COL4A5: variants seen among roughly 807,000 people sequenced by gnomAD.
COL4A5 encodes the protein collagen type IV alpha 5 chain.
In COL4A5, 26 loss-of-function variants were observed where a neutral mutation model predicts 130.2. The ratio of observed to expected loss-of-function variants is 0.20; its 90% CI spans 0.15 to 0.28. The LOEUF is 0.28. COL4A5 is among the 10% of genes least tolerant of loss of function. The pLI is 1.00. For missense variants in COL4A5, 1,131 were observed against 1,344.3 expected, an observed-to-expected ratio of 0.84 and a Z score of 2.48; for synonymous variants, 496 against 439.6, an observed-to-expected ratio of 1.13 and a Z score of -1.60.
chrX:108,626,599 T>G, intron 36 of COL4A5: 1 of 1,096,875 alleles, frequency 9.1e-7, no homozygotes, highest in Non-Finnish European at 1.2e-6. Flanking sequence ...CTGGATATAC[T>G]TCAATAATCT....
intron 3 of COL4A5, among the ~76,000 whole-genome samples, chrX:108,561,727 T>C (rs985120969): frequency 3.6e-5 from 4 of 111,659 alleles, no homozygotes; most frequent in Non-Finnish European, 7.5e-5. Flanking sequence ...ACTCACCAGG[T>C]AGTCTTCCAG....
intron 1 of COL4A5, among the ~76,000 whole-genome samples, chrX:108,509,033 A>C (rs1337713282): frequency 1.8e-5 from 2 of 112,482 alleles, no homozygotes; most frequent in African/African-American, 6.5e-5. Context: ...ACCAAAAGCA[A>C]TTGCAACAAA....
intron 38 of COL4A5, among the ~76,000 whole-genome samples, chrX:108,665,982 G>A (rs2068069209): frequency 9.0e-6 from 1 of 110,691 alleles, no homozygotes; most frequent in Admixed American, 9.6e-5. Context: ...AACCCAAGGG[G>A]TGGAGGTTGC....
At chrX:108,472,054 CTT>C (rs952739721) in intron 1 of COL4A5, among the ~76,000 whole-genome samples, 2 of 111,381 alleles carry the variant, frequency 1.8e-5, no homozygotes, top group African/African-American at 6.5e-5. Context: ...TCATTCTTCT[CTT>C]AAGTATTTTC....
At chrX:108,598,284 T>C (rs764603672) in intron 24 of COL4A5, among the ~76,000 whole-genome samples, 37 of 111,935 alleles carry the variant, frequency 3.3e-4, no homozygotes, top group Non-Finnish European at 6.0e-4. Flanking sequence ...ATAGTACAAG[T>C]AGATAGCCAT....
At chrX:108,558,929 A>G (rs2065865287) in intron 2 of COL4A5, 135 bp from the exon 3 acceptor site, 1 of 549,139 alleles carries the variant, frequency 1.8e-6, no homozygotes, top group Non-Finnish European at 3.2e-6. Flanking sequence ...TTCCCATGTT[A>G]GTAGATACTG....
rs370717795 is a variant in COL4A5 at position 108,451,827 on chromosome X, C to T, written c.81+11621C>T. ...TCACTCTGATGGTAGTTTCTTTTGCCGTGCAGAAACTCTTTAGTTTAATTA... is the reference window on the plus strand; with the variant it reads ...TCACTCTGATGGTAGTTTCTTTTGCTGTGCAGAAACTCTTTAGTTTAATTA... On this transcript the variant is annotated intron_variant, in intron 1 of 52. Transcript: ENST00000328300. 7.1e-3 allele frequency among the ~76,000 whole-genome samples: 787 copies of T among 110,884 alleles called. 8 individuals are homozygous for T. The highest frequency in any genetic ancestry group is 0.023 in the African/African-American group (712 of 30,466).
chrX:108,484,553 C>G (rs761420920), intron 1 of COL4A5, among the ~76,000 whole-genome samples: 1 of 112,638 alleles, frequency 8.9e-6, no homozygotes, highest in East Asian at 2.8e-4. Flanking sequence ...CTTGCAGACT[C>G]GCAGAGGTAC....
At chrX:108,692,326 A>T (rs182471443) in intron 49 of COL4A5, among the ~76,000 whole-genome samples, 2 of 111,221 alleles carry the variant, frequency 1.8e-5, no homozygotes, top group African/African-American at 6.5e-5. Context: ...TAGGCCTAAG[A>T]AGATTGCAGA....
intron 1 of COL4A5, among the ~76,000 whole-genome samples, chrX:108,519,831 T>A (rs2065250178): frequency 9.0e-6 from 1 of 111,135 alleles, no homozygotes; most frequent in Non-Finnish European, 1.9e-5. Context: ...AGTGGTCTTT[T>A]TTTATTTTCT....
intron 1 of COL4A5, among the ~76,000 whole-genome samples, chrX:108,453,211 A>G (rs1038390147): frequency 3.6e-5 from 4 of 111,651 alleles, no homozygotes; most frequent in Non-Finnish European, 7.5e-5. Flanking sequence ...AAAAAAAGCT[A>G]GTTGATAAAG....
intron 9 of COL4A5, among the ~76,000 whole-genome samples, chrX:108,574,533 A>G (rs1392522174): frequency 1.8e-5 from 2 of 111,825 alleles, no homozygotes; most frequent in African/African-American, 6.5e-5. Context: ...TTCCCCCAAG[A>G]CATAGCTACC....
intron 1 of COL4A5, among the ~76,000 whole-genome samples, chrX:108,515,212 T>G (rs1481152656): frequency 8.9e-6 from 1 of 111,946 alleles, no homozygotes. Flanking sequence ...AATCAGAAAC[T>G]ATGACTTTTT....
intron 1 of COL4A5, among the ~76,000 whole-genome samples, chrX:108,511,132 T>C (rs1284097521): frequency 7.1e-5 from 8 of 111,904 alleles, no homozygotes; most frequent in African/African-American, 2.6e-4. Flanking sequence ...TTTATAAATA[T>C]ATAATTCTTT....
intron 52 of COL4A5, 154 bp downstream of exon 52, chrX:108,695,593 T>G (rs1457677985): frequency 6.8e-6 from 4 of 589,759 alleles, no homozygotes; most frequent in Non-Finnish European, 1.1e-5. Flanking sequence ...TATACATGAC[T>G]CAGGTCAGAA....
chrX:108,577,120 C>T (rs964244851), intron 10 of COL4A5, among the ~76,000 whole-genome samples: 3 of 109,136 alleles, frequency 2.7e-5, no homozygotes, highest in African/African-American at 1.0e-4. Context: ...CCTGTAATCC[C>T]GGCACTTTGG....
intron 25 of COL4A5, among the ~76,000 whole-genome samples, chrX:108,601,169 C>T (rs2066621666): frequency 9.0e-6 from 1 of 111,639 alleles, no homozygotes; most frequent in African/African-American, 3.3e-5. Flanking sequence ...CATCTTGAAT[C>T]ATGGAAGTCC....
In COL4A5 at chrX:108,615,686, G is replaced by C. The variant is rs1954826079; in HGVS notation, c.2509+662G>C. Among the ~76,000 whole-genome samples the C allele has an allele frequency of 2.7e-5, 3 of 111,635 alleles. 1 individual carries two copies. In the Admixed American group the frequency reaches 2.9e-4, roughly 11 times the overall value. On this transcript the variant is annotated intron_variant, in intron 30 of 52. Transcript: ENST00000328300. ...AGCATATTGAGTTTCTGGATTCTGA[G>C]CTGTCTGGTGATGTGAATTCTCGTT...
At chrX:108,473,541 T>C (rs1377991081) in intron 1 of COL4A5, among the ~76,000 whole-genome samples, 2 of 97,979 alleles carry the variant, frequency 2.0e-5, no homozygotes, top group Admixed American at 1.1e-4. Flanking sequence ...AGTTAAACAA[T>C]AAATACAGTA....
Sources: gnomAD v4.1 joint callset for allele counts (sites outside exome capture counted in the v4.1 genomes callset) on GRCh38, gnomAD v4.1.1 for gene constraint, MANE v1.5 for transcripts, NCBI Gene and HGNC (gene_info 2026-07-23, HGNC 2026-07-21) for gene names.